The following PALM2AKAP2 variants were observed in gnomAD, a reference collection of about 807,000 sequenced individuals.
PALM2AKAP2 encodes the protein PALM2-AKAP2 fusion protein.
PALM2AKAP2 carries 37 observed loss-of-function variants against 71.5 expected under a neutral mutation model. The ratio of observed to expected loss-of-function variants is 0.52; its 90% CI spans 0.40 to 0.68. The LOEUF is 0.68. Among genes scored for constraint, PALM2AKAP2 ranks in the 30% least tolerant of loss-of-function variants. PALM2AKAP2 has a pLI of 0.00. For missense variants in PALM2AKAP2, 1,224 were observed against 1,191.8 expected (o/e 1.03, Z -0.40); for synonymous variants, 468 against 478.8 (o/e 0.98, Z 0.29).
chr9:109,896,902 T>C (rs1337034081), intron 3 of PALM2AKAP2, among the ~76,000 whole-genome samples: 3 of 152,216 alleles, frequency 2.0e-5, no homozygotes, highest in African/African-American at 7.2e-5. Flanking sequence ...ATCTCACTGG[T>C]TTTCAAATAT....
intron 6 of PALM2AKAP2, among the ~76,000 whole-genome samples, chr9:109,993,456 T>G (rs937789920): frequency 5.9e-5 from 9 of 152,228 alleles, no homozygotes; most frequent in African/African-American, 2.2e-4. Flanking sequence ...CACGTGCATT[T>G]ATCACATGCC....
At chr9:109,715,158 G>A (rs1490095035) in intron 1 of PALM2AKAP2, among the ~76,000 whole-genome samples, 5 of 152,098 alleles carry the variant, frequency 3.3e-5, no homozygotes, top group South Asian at 4.1e-4. Flanking sequence ...ATACTTTCTC[G>A]GTTCCAGGTG....
chr9:109,939,336 A>G (rs1831305413), intron 6 of PALM2AKAP2, among the ~76,000 whole-genome samples: 2 of 152,354 alleles, frequency 1.3e-5, no homozygotes, highest in African/African-American at 4.8e-5. Flanking sequence ...AATGACAGAA[A>G]ATTGGACCAA....
intron 1 of PALM2AKAP2, among the ~76,000 whole-genome samples, chr9:109,691,833 GATAT>G (rs1185965530): frequency 0.043 from 1,564 of 36,048 alleles, 70 homozygotes; most frequent in Non-Finnish European, 0.057. Context: ...CCAGAAAGAC[GATAT>G]ATATATATAT....
intron 1 of PALM2AKAP2, among the ~76,000 whole-genome samples, chr9:109,652,353 T>C (rs1461629877): frequency 6.6e-6 from 1 of 152,094 alleles, no homozygotes; most frequent in African/African-American, 2.4e-5. Flanking sequence ...ATGCAAGAGC[T>C]GACTGTTTAA....
At chr9:109,825,864 G>T (rs1039057113) in intron 1 of PALM2AKAP2, among the ~76,000 whole-genome samples, 1 of 152,142 alleles carries the variant, frequency 6.6e-6, no homozygotes, top group Non-Finnish European at 1.5e-5. Context: ...CCATTACTGG[G>T]TATATACACA....
At chr9:110,093,214 C>T (rs1834756614) in intron 1 of PALM2AKAP2, among the ~76,000 whole-genome samples, 1 of 151,740 alleles carries the variant, frequency 6.6e-6, no homozygotes, top group Admixed American at 6.6e-5. Flanking sequence ...TCCAAATAAG[C>T]AAAAGTTTCA....
intron 6 of PALM2AKAP2, among the ~76,000 whole-genome samples, chr9:109,992,208 G>A (rs983681521): frequency 1.3e-5 from 2 of 152,126 alleles, no homozygotes. Flanking sequence ...TTGGCTTGTG[G>A]TAGCATAACT....
intron 1 of PALM2AKAP2, among the ~76,000 whole-genome samples, chr9:109,647,089 T>G (rs889891807): frequency 6.6e-6 from 1 of 152,272 alleles, no homozygotes; most frequent in Admixed American, 6.5e-5. Flanking sequence ...ATATTTTCCA[T>G]GCAAACATCA....
intron 6 of PALM2AKAP2, among the ~76,000 whole-genome samples, chr9:109,974,769 A>C (rs543285989): frequency 4.6e-5 from 7 of 152,292 alleles, no homozygotes; most frequent in African/African-American, 1.7e-4. Context: ...TTACATAGTA[A>C]GTGATTGCCC....
At chr9:109,844,204 T>C (rs1828787979) in intron 1 of PALM2AKAP2, among the ~76,000 whole-genome samples, 1 of 152,226 alleles carries the variant, frequency 6.6e-6, no homozygotes, top group Admixed American at 6.5e-5. Flanking sequence ...GTTCTGCCAC[T>C]GGCACCACTT....
intron 6 of PALM2AKAP2, among the ~76,000 whole-genome samples, chr9:109,989,476 T>G (rs1435104301): frequency 6.6e-6 from 1 of 152,252 alleles, no homozygotes; most frequent in Non-Finnish European, 1.5e-5. Flanking sequence ...GTTGCCCCTT[T>G]GGAATTGTGC....
intron 6 of PALM2AKAP2, among the ~76,000 whole-genome samples, chr9:109,990,034 T>C (rs546141248): frequency 6.6e-6 from 1 of 152,196 alleles, no homozygotes; most frequent in South Asian, 2.1e-4. Flanking sequence ...ACTGTTCCAC[T>C]GTTTAAGTCA....
At chr9:110,062,103 T>A (rs1197153780) in intron 1 of PALM2AKAP2, among the ~76,000 whole-genome samples, 2 of 152,182 alleles carry the variant, frequency 1.3e-5, no homozygotes, top group African/African-American at 4.8e-5. Context: ...AAAATTTTAT[T>A]TTAAGTTCCA....
chr9:110,128,009 C>T (rs576804656), intron 1 of PALM2AKAP2: 6 of 152,302 alleles, frequency 3.9e-5, no homozygotes, highest in African/African-American at 1.4e-4. Flanking sequence ...CTTATGGATC[C>T]AAGGTAGTGT....
intron 1 of PALM2AKAP2, among the ~76,000 whole-genome samples, chr9:109,806,724 A>G (rs1044694317): frequency 4.6e-5 from 7 of 152,182 alleles, no homozygotes; most frequent in South Asian, 2.1e-4. Context: ...AGTGTGTTCA[A>G]AAAGCAAAAG....
At chr9:109,715,663 G>T (rs1476636001) in intron 1 of PALM2AKAP2, among the ~76,000 whole-genome samples, 1 of 152,106 alleles carries the variant, frequency 6.6e-6, no homozygotes, top group Admixed American at 6.5e-5. Flanking sequence ...GTTCCTTTCA[G>T]TTTGGTTAAA....
At chr9:110,048,131 C>T (rs2132488448), upstream of PALM2AKAP2, among the ~76,000 whole-genome samples, 1 of 152,174 alleles carries the variant, frequency 6.6e-6, no homozygotes, top group East Asian at 1.9e-4. Context: ...GCGGAGACAC[C>T]ATTACTGCCA....
At chr9:109,813,028 A>C (rs1827763300) in intron 1 of PALM2AKAP2, among the ~76,000 whole-genome samples, 1 of 152,250 alleles carries the variant, frequency 6.6e-6, no homozygotes, top group African/African-American at 2.4e-5. Flanking sequence ...AAGCAGACCA[A>C]ATCAAATCTT....
Sources: allele counts gnomAD v4.1 joint callset (sites outside exome capture counted in the v4.1 genomes callset), GRCh38; gene constraint gnomAD v4.1.1; transcripts MANE v1.5; gene names NCBI Gene and HGNC (gene_info 2026-07-23, HGNC 2026-07-21).